TMTC1: variants seen among roughly 807,000 people sequenced by gnomAD.
TMTC1 encodes the protein transmembrane O-mannosyltransferase targeting cadherins 1.
A neutral mutation model predicts 104.8 loss-of-function variants in TMTC1; 73 were observed. The ratio of observed to expected loss-of-function variants is 0.70; its 90% confidence interval spans 0.58 to 0.85. TMTC1 has a LOEUF of 0.85. Ranked by LOEUF, TMTC1 falls within the 40% of genes least tolerant of loss-of-function variation. The probability of loss-of-function intolerance (pLI) is 0.00; values close to 1 mark genes in which losing one functional copy is unlikely to be tolerated. For synonymous variants in TMTC1, 434 were observed against 428.7 expected (o/e 1.01, Z -0.15); for missense variants, 1,035 against 1,096.1 (o/e 0.94, Z 0.79).
intron 7 of TMTC1, among the ~76,000 whole-genome samples, chr12:29,598,116 G>A (rs570921285): frequency 6.6e-6 from 1 of 152,246 alleles, no homozygotes; most frequent in East Asian, 1.9e-4. Flanking sequence ...GCTAGCCAGT[G>A]GGCGACAGAT....
intron 5 of TMTC1, among the ~76,000 whole-genome samples, chr12:29,716,135 T>C (rs1473860594): frequency 6.6e-6 from 1 of 151,956 alleles, no homozygotes; most frequent in African/African-American, 2.4e-5. Flanking sequence ...CCTCCTGCCT[T>C]AGCCTCCCCA....
chr12:29,583,672 C>T (rs1946047015), intron 7 of TMTC1, 98 bp from the exon 8 acceptor site: 1 of 1,170,240 alleles, frequency 8.5e-7, no homozygotes, highest in Non-Finnish European at 1.2e-6. Context: ...TGAAGCTTGT[C>T]CTGTGCTAGA....
At chr12:29,658,770 C>T (rs1275247395) in intron 5 of TMTC1, 1 of 182,746 alleles carries the variant, frequency 5.5e-6, no homozygotes, top group Admixed American at 4.9e-5. Flanking sequence ...CTATGGGGTG[C>T]CTCTCCTCTT....
At chr12:29,770,213 T>C (rs916194882) in intron 1 of TMTC1, among the ~76,000 whole-genome samples, 2 of 152,188 alleles carry the variant, frequency 1.3e-5, no homozygotes, top group Non-Finnish European at 2.9e-5. Flanking sequence ...AAAAGCATCA[T>C]TAAAGATGGC....
intron 5 of TMTC1, among the ~76,000 whole-genome samples, chr12:29,639,708 C>T (rs371144440): frequency 2.6e-5 from 4 of 152,090 alleles, no homozygotes; most frequent in Non-Finnish European, 4.4e-5. Flanking sequence ...TTCTTAATAG[C>T]GCCAAACTGG....
intron 10 of TMTC1, among the ~76,000 whole-genome samples, chr12:29,536,630 T>C (rs1944652525): frequency 6.6e-6 from 1 of 152,126 alleles, no homozygotes; most frequent in Admixed American, 6.6e-5. Context: ...ATGAGAAACT[T>C]TGATCTTCAG....
At chr12:29,553,425 G>C (rs952749145) in intron 10 of TMTC1, among the ~76,000 whole-genome samples, 6 of 152,178 alleles carry the variant, frequency 3.9e-5, no homozygotes, top group Admixed American at 3.3e-4. Context: ...TTCTATGACT[G>C]ACCTATGCTG....
chr12:29,652,562 C>T (rs146479480), intron 5 of TMTC1, among the ~76,000 whole-genome samples: 51 of 152,328 alleles, frequency 3.3e-4, no homozygotes, highest in African/African-American at 1.2e-3. Flanking sequence ...TTCATAGAAG[C>T]AGCAGGCCTA....
In TMTC1 at chr12:29,692,062, A is replaced by G. The variant is rs565683577; in HGVS notation, c.939-58726T>C. 1.5e-4 allele frequency among the ~76,000 whole-genome samples: 22 copies of G among 145,628 alleles called. 4 individuals carry two copies. Among genetic ancestry groups the G allele is most frequent in the Admixed American group, 5.6e-4 (8 of 14,174 alleles). On this transcript the variant is annotated intron_variant, in intron 5 of 17. Coordinates refer to ENST00000539277, the MANE Select transcript of TMTC1 (RefSeq NM_001193451.2). ...ATATAAATGAATGACCTCAGTAGACATTGTCATTACTCTCAACAAAGAATG... is the reference window on the plus strand; with the variant it reads ...ATATAAATGAATGACCTCAGTAGACGTTGTCATTACTCTCAACAAAGAATG...
At chr12:29,751,908 C>T (rs1943100597) in intron 4 of TMTC1, 36 bp from the exon 5 acceptor site, 1 of 1,499,350 alleles carries the variant, frequency 6.7e-7, no homozygotes, top group Non-Finnish European at 8.9e-7. Context: ...ACAAAGTCAA[C>T]CAGAATGACA....
rs1198444535 is a variant in TMTC1, at chr12:29,771,761, A to G, written c.303-3686T>C. 2.0e-5 allele frequency among the ~76,000 whole-genome samples: 3 copies of G among 152,320 alleles called. No individual in the cohort carries two copies. The East Asian group carries it at 5.8e-4, about 29-fold the overall frequency. On this transcript the variant is annotated intron_variant, in intron 1 of 17. Transcript: ENST00000539277. ...CTTTTTAAACACAGAGCACCTTCACAGGAGAACTTCAGGATGCTAAGGGGG... is the reference window on the plus strand; with the variant it reads ...CTTTTTAAACACAGAGCACCTTCACGGGAGAACTTCAGGATGCTAAGGGGG...
At chr12:29,756,564 T>A (rs1313264629) in intron 3 of TMTC1, among the ~76,000 whole-genome samples, 1 of 152,242 alleles carries the variant, frequency 6.6e-6, no homozygotes, top group East Asian at 1.9e-4. Flanking sequence ...TCATTTTCTA[T>A]GAGCATATCT....
rs373791978 is a variant in TMTC1 at position 29,583,494 on chromosome 12, A to G, written c.1331T>C (p.Ile444Thr). ...WLNRCGATTL[I>T]VSTVLLLLLF... ...CAACAGCAGCAACACAGTGGACACAATCAGGGTGGTGGCCCCACATCGATT... is the reference window on the plus strand; with the variant it reads ...CAACAGCAGCAACACAGTGGACACAGTCAGGGTGGTGGCCCCACATCGATT... Residue 444 changes from isoleucine to threonine, a missense_variant, in exon 8 of 18, where the codon ATT (isoleucine) becomes ACT (threonine). By Grantham distance (89) the Ile-to-Thr change is moderately conservative. Transcript: ENST00000539277. 1 of 1,613,944 alleles carries G rather than the reference A, an allele frequency of 6.2e-7. No individual in the cohort carries two copies. The highest frequency in any genetic ancestry group is 8.5e-7 in the Non-Finnish European group (1 of 1,179,906).
intron 5 of TMTC1, among the ~76,000 whole-genome samples, chr12:29,738,053 A>C (rs1255260475): frequency 1.3e-5 from 2 of 152,122 alleles, no homozygotes; most frequent in Non-Finnish European, 2.9e-5. Context: ...AGGGTACAAC[A>C]GTAAGTGCCA....
intron 5 of TMTC1, among the ~76,000 whole-genome samples, chr12:29,663,566 G>C (rs1002304368): frequency 1.3e-5 from 2 of 151,954 alleles, no homozygotes; most frequent in African/African-American, 4.8e-5. Context: ...GCCCAGGCTA[G>C]AGTGTAGTGG....
At chr12:29,645,590 T>G (rs1479125120) in intron 5 of TMTC1, among the ~76,000 whole-genome samples, 6 of 152,122 alleles carry the variant, frequency 3.9e-5, no homozygotes, top group African/African-American at 1.2e-4. Flanking sequence ...TACCCATATA[T>G]CTGCAAAAAA....
rs935237826 is a variant in TMTC1 at position 29,518,389 on chromosome 12, C to T, written c.2024+83G>A. The stretch of plus-strand genomic sequence containing the variant: ...AAAATTTGCTAGTATTCTGAGAGCA[C>T]ACCTATTCTGATTAACTAAGAAGCT... On this transcript the variant is annotated intron_variant, in intron 13 of 17. Transcript: ENST00000539277. 5.3e-5 allele frequency: 81 copies of T among 1,529,944 alleles called. 1 individual carries two copies. The Admixed American group carries it at 1.6e-3, about 30-fold the overall frequency. 94.8% of individuals were successfully genotyped at this position (1,529,944 alleles called of 1,614,324 possible).
chr12:29,520,607 A>T lies in TMTC1; in HGVS notation c.1888+11T>A. On this transcript the variant is annotated intron_variant, in intron 12 of 17. Coordinates refer to ENST00000539277, the MANE Select transcript of TMTC1 (RefSeq NM_001193451.2). ...ATCTCAGCAGTACAGTTTCTCTTTA[A>T]TTTCACTTACCAGTATCAACTAAGA... 1.2e-6 allele frequency: 2 copies of T among 1,600,658 alleles called. No homozygotes were observed. Among genetic ancestry groups the T allele is most frequent in the Non-Finnish European group, 1.7e-6 (2 of 1,170,254 alleles).
At position 29,661,884 on chromosome 12, in the gene TMTC1, A is replaced by G. The variant is rs934799899; in HGVS notation, c.939-28548T>C. ...AACGTCAGCTTCTAGAGGGGCAGGA[A>G]CCTGTGTGGATCCTGCCCTGCTGTA... On this transcript the variant is annotated intron_variant, in intron 5 of 17. Coordinates refer to ENST00000539277, the MANE Select transcript of TMTC1 (RefSeq NM_001193451.2). Among the ~76,000 whole-genome samples, 15 of 152,178 alleles carry G rather than the reference A, an allele frequency of 9.9e-5. No homozygotes were observed. In the South Asian group the frequency reaches 2.9e-3, roughly 29 times the overall value.
Sources: allele counts gnomAD v4.1 joint callset (sites outside exome capture counted in the v4.1 genomes callset), GRCh38; gene constraint gnomAD v4.1.1; transcripts MANE v1.5; gene names NCBI Gene and HGNC (gene_info 2026-07-23, HGNC 2026-07-21).